The following SULT6B1 variants were observed in gnomAD, a reference collection of about 807,000 sequenced individuals.
The protein encoded by SULT6B1 is sulfotransferase 6B1.
SULT6B1 carries 44 observed loss-of-function variants against 37.2 expected under a neutral mutation model. The ratio of observed to expected loss-of-function variants is 1.18; its 90% CI spans 0.93 to 1.52. The LOEUF (loss-of-function observed/expected upper bound fraction) is 1.52. Ranked by LOEUF, SULT6B1 falls within the 40% of genes most tolerant of loss-of-function variation. The probability of loss-of-function intolerance (pLI) is 0.00; values close to 1 mark genes in which losing one functional copy is unlikely to be tolerated. For synonymous variants in SULT6B1, 140 were observed against 126.0 expected, an observed-to-expected ratio of 1.11 and a Z score of -0.74; for missense variants, 450 against 361.0, an observed-to-expected ratio of 1.25 and a Z score of -2.00.
intron 1 of SULT6B1, among the ~76,000 whole-genome samples, chr2:37,188,213 C>G (rs1407003770): frequency 2.6e-5 from 4 of 152,186 alleles, no homozygotes; most frequent in African/African-American, 9.7e-5. Context: ...CATCCTCCAT[C>G]ATGGCCTTTC....
chr2:37,190,123 C>A (rs1676752812), upstream of SULT6B1, among the ~76,000 whole-genome samples: 1 of 152,236 alleles, frequency 6.6e-6, no homozygotes, highest in South Asian at 2.1e-4. Context: ...ATTACAATTG[C>A]AATTACTCAA....
At chr2:37,177,352 A>G (rs1676451729) in intron 4 of SULT6B1, among the ~76,000 whole-genome samples, 1 of 150,530 alleles carries the variant, frequency 6.6e-6, no homozygotes, top group African/African-American at 2.4e-5. Context: ...CAGAAGGTCA[A>G]GGCTGCAGTG....
intron 1 of SULT6B1, chr2:37,194,498 G>C: frequency 5.0e-6 from 2 of 400,012 alleles, no homozygotes; most frequent in Non-Finnish European, 9.7e-6. Context: ...GATACGGTAC[G>C]GGACATTCCT....
At chr2:37,179,324 C>T (rs1245688274) in intron 4 of SULT6B1, 134 bp downstream of exon 4, 17 of 1,102,856 alleles carry the variant, frequency 1.5e-5, no homozygotes, top group South Asian at 8.5e-5. Context: ...GTGCTATGAC[C>T]GTTCATTTAA....
chr2:37,168,019 C>T lies in SULT6B1; in HGVS notation c.828G>A (p.Gln276=). The T allele has an allele frequency of 6.2e-7, 1 of 1,600,904 alleles. No homozygotes were observed. The highest frequency in any genetic ancestry group is 8.5e-7 in the Non-Finnish European group (1 of 1,177,164). ...ACTCTTTGAATTTTTCATCCATTTC[C>T]TGGTTCTGAATTTCACTGAACAAAT... ...WKNLFSEIQN[Q]EMDEKFKECL... The change falls in exon 7 of 7, where the codon CAG becomes CAA. Residue 276 remains glutamine, a synonymous_variant. Coordinates refer to ENST00000535679, the MANE Select transcript of SULT6B1 (RefSeq NM_001367551.1).
chr2:37,182,305 G>A (rs1216041592), intron 3 of SULT6B1, among the ~76,000 whole-genome samples: 1 of 149,916 alleles, frequency 6.7e-6, no homozygotes, highest in Non-Finnish European at 1.5e-5. Flanking sequence ...CCAGGCTGGA[G>A]AGCAGTGGCG....
chr2:37,179,152 G>T (rs1193955613), intron 4 of SULT6B1, among the ~76,000 whole-genome samples: 1 of 152,086 alleles, frequency 6.6e-6, no homozygotes, highest in South Asian at 2.1e-4. Flanking sequence ...TAGAGATGGG[G>T]TTTCACCGTG....
chr2:37,193,801 C>T (rs1330098251), intron 1 of SULT6B1, among the ~76,000 whole-genome samples: 3 of 152,166 alleles, frequency 2.0e-5, no homozygotes, highest in South Asian at 2.1e-4. Context: ...GGATTTTAGC[C>T]TGCTTCTGTG....
chr2:37,192,121 G>A (rs1396447846), upstream of SULT6B1, among the ~76,000 whole-genome samples: 1 of 152,186 alleles, frequency 6.6e-6, no homozygotes, highest in Non-Finnish European at 1.5e-5. Flanking sequence ...TGGTTAAGCA[G>A]CCAAGAAAAA....
intron 2 of SULT6B1, among the ~76,000 whole-genome samples, chr2:37,185,057 A>AT (rs201929258): frequency 0.023 from 3,533 of 152,252 alleles, 65 homozygotes; most frequent in Middle Eastern, 0.054. Context: ...CATTTTAGAG[A>AT]TTAAGAACAG....
At chr2:37,169,765 T>C (rs959670011) in intron 6 of SULT6B1, among the ~76,000 whole-genome samples, 1 of 152,196 alleles carries the variant, frequency 6.6e-6, no homozygotes, top group Non-Finnish European at 1.5e-5. Flanking sequence ...AGTGCTGGGA[T>C]TACAGGCATG....
chr2:37,189,556 G>T (rs947558842), upstream of SULT6B1, among the ~76,000 whole-genome samples: 3 of 152,156 alleles, frequency 2.0e-5, no homozygotes, highest in Admixed American at 2.0e-4. Flanking sequence ...TTCCTTTAGG[G>T]TGGGCTGCCC....
At chr2:37,179,320 T>C (rs1676498776) in intron 4 of SULT6B1, 138 bp downstream of exon 4, 5 of 1,074,848 alleles carry the variant, frequency 4.7e-6, no homozygotes, top group Non-Finnish European at 5.4e-6. Context: ...AATGGTGCTA[T>C]GACCGTTCAT....
chr2:37,167,896 T>C lies in SULT6B1; in HGVS notation c.*39A>G, dbSNP rs906021496. On this transcript the variant is annotated 3_prime_UTR_variant, in exon 7 of 7. Transcript: ENST00000535679. ...TTTAATTATTTACACTTAATTATTATTAAGGAAAATAAATCTAGGCCTGCT... is the reference window on the plus strand; with the variant it reads ...TTTAATTATTTACACTTAATTATTACTAAGGAAAATAAATCTAGGCCTGCT... 6.6e-7 allele frequency: 1 copy of C among 1,512,420 alleles called. No individual in the cohort carries two copies. Among genetic ancestry groups the C allele is most frequent in the Non-Finnish European group, 8.8e-7 (1 of 1,138,000 alleles). 93.7% of individuals were successfully genotyped at this position (1,512,420 alleles called of 1,614,324 possible).
chr2:37,176,936 A>G (rs116522757), intron 4 of SULT6B1, among the ~76,000 whole-genome samples: 3,624 of 152,192 alleles, frequency 0.024, 67 homozygotes, highest in Middle Eastern at 0.058. Flanking sequence ...TTCATGACCT[A>G]AAGGTGATGA....
In SULT6B1 at chr2:37,182,400, C is replaced by T. The variant is rs185465915; in HGVS notation, c.402+1025G>A. Among the ~76,000 whole-genome samples the T allele has an allele frequency of 3.7e-3, 563 of 152,134 alleles. 12 individuals are homozygous for T. The Middle Eastern group carries it at 0.037, about 10-fold the overall frequency. On this transcript the variant is annotated intron_variant, in intron 3 of 6. Transcript: ENST00000535679. ...TCCCAAGTAGCTGAGATTACAGGCA[C>T]GTGCTATCACACCTGGCTATTTTTA... is the stretch of plus-strand genomic sequence containing the variant.
upstream of SULT6B1, among the ~76,000 whole-genome samples, chr2:37,191,726 G>A (rs1034043460): frequency 6.6e-6 from 1 of 152,212 alleles, no homozygotes; most frequent in Non-Finnish European, 1.5e-5. Context: ...TTAGCCTGAA[G>A]GTGGGTACGA....
chr2:37,178,511 C>T (rs1050743173), intron 4 of SULT6B1, among the ~76,000 whole-genome samples: 3 of 152,146 alleles, frequency 2.0e-5, no homozygotes, highest in Admixed American at 6.5e-5. Context: ...GCTGGAACTA[C>T]AGGCATGAGC....
At chr2:37,183,558 A>C in intron 2 of SULT6B1, 44 bp from the exon 3 acceptor site, 1 of 1,434,572 alleles carries the variant, frequency 7.0e-7, no homozygotes, top group Non-Finnish European at 9.8e-7. Context: ...ACGTGTGTGC[A>C]TGTGTGTGTG....
Sources: gnomAD v4.1 joint callset for allele counts (sites outside exome capture counted in the v4.1 genomes callset) on GRCh38, gnomAD v4.1.1 for gene constraint, MANE v1.5 for transcripts, NCBI Gene and HGNC (gene_info 2026-07-23, HGNC 2026-07-21) for gene names.